The following TULP4 variants were observed in gnomAD, a reference collection of about 807,000 sequenced individuals.
The protein encoded by TULP4 is tubby-related protein 4.
Under a neutral mutation model 129.0 loss-of-function variants are expected in TULP4, and 16 were observed. That is an observed-to-expected ratio of 0.12 (90% CI 0.08 to 0.19). TULP4 has a LOEUF of 0.19. TULP4 is among the 10% of genes least tolerant of loss of function. The pLI is 1.00. For missense variants in TULP4, 1,842 were observed against 2,059.1 expected (o/e 0.89, Z 2.04); for synonymous variants, 998 against 854.0 (o/e 1.17, Z -2.94).
At chr6:158,455,891 A>C (rs997706883) in intron 5 of TULP4, among the ~76,000 whole-genome samples, 5 of 152,298 alleles carry the variant, frequency 3.3e-5, no homozygotes, top group Non-Finnish European at 4.4e-5. Context: ...GGTTCCCTGA[A>C]ATGACTGACA....
In TULP4 at chr6:158,471,991, G is replaced by A. The variant is rs575170711; in HGVS notation, c.1027-7760G>A. ...CATTGTCCCCACTTCATCTGACTTA[G>A]GGCCCCCTTCCTGCTGGCATTGTGT... On this transcript the variant is annotated intron_variant, in intron 6 of 13. Coordinates refer to ENST00000367097, the MANE Select transcript of TULP4 (RefSeq NM_020245.5). Among the ~76,000 whole-genome samples, 4 of 152,248 alleles carry A rather than the reference G, an allele frequency of 2.6e-5. No homozygotes were observed. The South Asian group carries it at 6.2e-4, about 24-fold the overall frequency.
chr6:158,492,117 C>T (rs1184646567), intron 9 of TULP4, among the ~76,000 whole-genome samples: 3 of 152,194 alleles, frequency 2.0e-5, no homozygotes, highest in African/African-American at 7.2e-5. Flanking sequence ...CTTGGCCTCC[C>T]TAAGTGCTGG....
intron 1 of TULP4, among the ~76,000 whole-genome samples, chr6:158,360,573 T>TA (rs1024029506): frequency 6.6e-6 from 1 of 152,160 alleles, no homozygotes; most frequent in Non-Finnish European, 1.5e-5. Context: ...TGGGTTCCGT[T>TA]AAAAAATGAG....
At chr6:158,443,767 T>TA (rs202172373) in intron 3 of TULP4, among the ~76,000 whole-genome samples, 103 of 150,244 alleles carry the variant, frequency 6.9e-4, no homozygotes, top group Middle Eastern at 3.4e-3. Flanking sequence ...ATTTCATCTT[T>TA]TAAAAAAAAA....
Position 158,411,477 on chromosome 6 carries a change from A to G in TULP4, c.253-1588A>G, listed in dbSNP as rs78284695. ...CACATCCATGCAAGGTGAGCCATCA[A>G]CTGGATTCAGTTTTTCTAGTGATCA... On this transcript the variant is annotated intron_variant, in intron 1 of 13. Transcript: ENST00000367097. Among the ~76,000 whole-genome samples, 82 of 152,354 alleles carry G rather than the reference A, an allele frequency of 5.4e-4. 1 individual carries two copies. Among genetic ancestry groups the G allele is most frequent in the African/African-American group, 1.8e-3 (75 of 41,574 alleles).
intron 1 of TULP4, among the ~76,000 whole-genome samples, chr6:158,390,652 A>G (rs1777563983): frequency 6.6e-6 from 1 of 152,248 alleles, no homozygotes; most frequent in Non-Finnish European, 1.5e-5. Flanking sequence ...CAATGCTAAG[A>G]TCGAACGAAG....
At chr6:158,392,790 A>ATTTTTTTT (rs1554286987) in intron 1 of TULP4, among the ~76,000 whole-genome samples, 14 of 38,606 alleles carry the variant, frequency 3.6e-4, no homozygotes, top group Non-Finnish European at 4.5e-4. Flanking sequence ...TTAAATTTGT[A>ATTTTTTTT]TTTCTTTTTT....
At chr6:158,250,358 A>G (rs903225061) in intron 1 of TULP4, among the ~76,000 whole-genome samples, 44 of 150,746 alleles carry the variant, frequency 2.9e-4, no homozygotes, top group African/African-American at 1.0e-3. Flanking sequence ...GGATTTCACC[A>G]TGTTGGCCAG....
chr6:158,449,600 A>G (rs942532870), intron 4 of TULP4, among the ~76,000 whole-genome samples: 4 of 152,176 alleles, frequency 2.6e-5, no homozygotes, highest in African/African-American at 9.7e-5. Context: ...CTTTAGGTGC[A>G]TGAGAAAAGG....
intron 1 of TULP4, among the ~76,000 whole-genome samples, chr6:158,298,859 G>A (rs535968719): frequency 6.6e-5 from 10 of 152,262 alleles, no homozygotes; most frequent in African/African-American, 2.4e-4. Context: ...CTAGGTGCCC[G>A]GGGATGCCGA....
intron 3 of TULP4, among the ~76,000 whole-genome samples, chr6:158,446,239 A>G (rs1779038632): frequency 6.6e-6 from 1 of 152,248 alleles, no homozygotes; most frequent in African/African-American, 2.4e-5. Context: ...AATCTGTGAC[A>G]TACTTGTTCC....
intron 1 of TULP4, among the ~76,000 whole-genome samples, chr6:158,349,647 G>C (rs1780446833): frequency 7.2e-6 from 1 of 139,516 alleles, no homozygotes; most frequent in Non-Finnish European, 1.6e-5. Context: ...GTAGCGGCTA[G>C]GCAGAGGCGC....
Position 158,479,993 on chromosome 6 carries a change from TC to T in TULP4, c.1251+21del. ...CCATCAAGGTAAAGCCCTCCACCCC[TC>T]CCTCTTCCTCCTCCCTCACCTGTGC... On this transcript the variant is annotated intron_variant, in intron 7 of 13. Transcript: ENST00000367097. The T allele has an allele frequency of 6.4e-7, 1 of 1,553,034 alleles. No individual in the cohort carries two copies. Among genetic ancestry groups the T allele is most frequent in the Non-Finnish European group, 8.8e-7 (1 of 1,139,274 alleles).
At chr6:158,457,253 A>G (rs142125392) in intron 5 of TULP4, among the ~76,000 whole-genome samples, 108 of 152,290 alleles carry the variant, frequency 7.1e-4, no homozygotes, top group African/African-American at 2.4e-3. Flanking sequence ...AACTCGCACT[A>G]TTGTTTTAGT....
intron 8 of TULP4, chr6:158,481,557 C>T (rs995561623): frequency 5.7e-6 from 3 of 524,814 alleles, no homozygotes; most frequent in African/African-American, 5.7e-5. Context: ...GAAGTTGGCG[C>T]AGTCCTCCTG....
chr6:158,411,423 G>T lies in TULP4; in HGVS notation c.253-1642G>T, dbSNP rs897018691. Among the ~76,000 whole-genome samples, 12 of 152,182 alleles carry T rather than the reference G, an allele frequency of 7.9e-5. No homozygotes were observed. The South Asian group carries it at 1.2e-3, about 16-fold the overall frequency. ...GGTCTCAACAGAGAGGATTCCGCTA[G>T]ATGGGGCCACCTGGGAGTTCTCAGT... On this transcript the variant is annotated intron_variant, in intron 1 of 13. Transcript: ENST00000367097.
chr6:158,268,784 CTATTTT>C (rs1307967039), intron 1 of TULP4, among the ~76,000 whole-genome samples: 2 of 152,110 alleles, frequency 1.3e-5, no homozygotes, highest in African/African-American at 4.8e-5. Context: ...ATTTTTGGCT[CTATTTT>C]TATATGACTT....
intron 3 of TULP4, among the ~76,000 whole-genome samples, chr6:158,437,234 A>G (rs1177675990): frequency 1.3e-5 from 2 of 152,220 alleles, no homozygotes; most frequent in South Asian, 2.1e-4. Flanking sequence ...ATATTTTAGT[A>G]CAGAATTTTT....
chr6:158,280,959 T>C (rs1002501810), upstream of TULP4, among the ~76,000 whole-genome samples: 1 of 152,228 alleles, frequency 6.6e-6, no homozygotes, highest in Non-Finnish European at 1.5e-5. Context: ...AAGAAATGAA[T>C]AGCAGATACC....
Sources: allele counts gnomAD v4.1 joint callset (sites outside exome capture counted in the v4.1 genomes callset), GRCh38; gene constraint gnomAD v4.1.1; transcripts MANE v1.5; gene names NCBI Gene and HGNC (gene_info 2026-07-23, HGNC 2026-07-21).